Variants in KPNA4 observed in about 807,000 individuals in gnomAD.
KPNA4 encodes the protein karyopherin subunit alpha 4.
In KPNA4, 13 loss-of-function variants were observed where a neutral mutation model predicts 71.3. The observed-to-expected ratio is 0.18, with a 90% CI of 0.12 to 0.29. The LOEUF is 0.29. KPNA4 is among the 10% of genes least tolerant of loss of function. The pLI is 1.00. For missense variants in KPNA4, 334 were observed against 603.2 expected, an observed-to-expected ratio of 0.55 and a Z score of 4.67; for synonymous variants, 189 against 195.2, an observed-to-expected ratio of 0.97 and a Z score of 0.26.
chr3:160,535,744 T>C (rs1577056711), intron 3 of KPNA4, 54 bp from the exon 4 acceptor site: 3 of 1,566,542 alleles, frequency 1.9e-6, no homozygotes, highest in Non-Finnish European at 1.7e-6. Flanking sequence ...TAAAATTCTC[T>C]TATTAATGTG....
At chr3:160,529,378 C>CA (rs11391414) in intron 7 of KPNA4, among the ~76,000 whole-genome samples, 152,238 of 152,258 alleles carry the variant, frequency 1, 76,110 homozygotes, top group Middle Eastern at 1. Context: ...GTTATGAAAC[C>CA]AAAAATTTTC....
At chr3:160,510,688 T>C (rs1721072051) in intron 13 of KPNA4, among the ~76,000 whole-genome samples, 1 of 152,172 alleles carries the variant, frequency 6.6e-6, no homozygotes, top group Non-Finnish European at 1.5e-5. Context: ...GCATAATTCT[T>C]ATAGGGGAAT....
chr3:160,543,007 A>G (rs1721834101), intron 1 of KPNA4, among the ~76,000 whole-genome samples: 1 of 152,206 alleles, frequency 6.6e-6, no homozygotes, highest in Non-Finnish European at 1.5e-5. Flanking sequence ...TTCAACATTC[A>G]AACAACAGGA....
Position 160,499,083 on chromosome 3 carries a change from CCTAAA to C in KPNA4, c.*3016_*3020del. ...CCCTATGAAGTGCTGCTGAGGTAAGCCTAAACTAAATGATACACTCCCTCTCCCCA... is the reference window on the plus strand; with the variant it reads ...CCCTATGAAGTGCTGCTGAGGTAAGCCTAAATGATACACTCCCTCTCCCCA... On this transcript the variant is annotated 3_prime_UTR_variant, in exon 17 of 17. Coordinates refer to ENST00000334256, the MANE Select transcript of KPNA4 (RefSeq NM_002268.5). 6.6e-6 allele frequency: 1 copy of C among 152,180 alleles called. No homozygotes were observed. Among genetic ancestry groups the C allele is most frequent in the African/African-American group, 2.4e-5 (1 of 41,518 alleles). 9.4% of individuals were successfully genotyped at this position (152,180 alleles called of 1,614,324 possible).
At chr3:160,549,066 G>A (rs1304564769) in intron 1 of KPNA4, among the ~76,000 whole-genome samples, 1 of 152,128 alleles carries the variant, frequency 6.6e-6, no homozygotes, top group Non-Finnish European at 1.5e-5. Context: ...TGTGCTTACT[G>A]GCTATTTTGT....
chr3:160,535,448 A>G, intron 5 of KPNA4, 65 bp downstream of exon 5: 1 of 1,230,350 alleles, frequency 8.1e-7, no homozygotes, highest in Non-Finnish European at 1.2e-6. Context: ...CTCAATAGTA[A>G]AAATTCAAAA....
At chr3:160,509,691 C>CA in intron 14 of KPNA4, 109 bp downstream of exon 14, 1 of 835,428 alleles carries the variant, frequency 1.2e-6, no homozygotes, top group Non-Finnish European at 2.0e-6. Flanking sequence ...CTTGGCCTCC[C>CA]AGGGTGTTGC....
At chr3:160,551,208 T>A (rs889864377) in intron 1 of KPNA4, among the ~76,000 whole-genome samples, 2 of 152,242 alleles carry the variant, frequency 1.3e-5, no homozygotes, top group Non-Finnish European at 2.9e-5. Flanking sequence ...ATTGACAGGT[T>A]ATGTGTTTTA....
rs976424152 is a variant in KPNA4 at position 160,563,095 on chromosome 3, C to G, written c.69+2119G>C. The stretch of plus-strand genomic sequence containing the variant: ...TTCTTAGTAGTATTATGTAAAATAG[C>G]TAAAAAAGTGGAAACAATGAAAATG... On this transcript the variant is annotated intron_variant, in intron 1 of 16. Coordinates refer to ENST00000334256, the MANE Select transcript of KPNA4 (RefSeq NM_002268.5). Among the ~76,000 whole-genome samples the G allele has an allele frequency of 5.3e-5, 8 of 151,982 alleles. No homozygotes were observed. The East Asian group carries it at 1.5e-3, about 29-fold the overall frequency.
chr3:160,551,438 T>C (rs1722038541), intron 1 of KPNA4, among the ~76,000 whole-genome samples: 2 of 152,170 alleles, frequency 1.3e-5, no homozygotes, highest in Admixed American at 6.5e-5. Context: ...AACTGAGTTG[T>C]GGAGGTTTAA....
At chr3:160,546,446 C>T (rs113288985) in intron 1 of KPNA4, among the ~76,000 whole-genome samples, 1,858 of 152,008 alleles carry the variant, frequency 0.012, 20 homozygotes, top group Middle Eastern at 0.02. Context: ...TGAACCCAGG[C>T]GGCCGAGGTT....
chr3:160,514,025 A>G, intron 13 of KPNA4, 52 bp downstream of exon 13: 1 of 1,059,064 alleles, frequency 9.4e-7, no homozygotes, highest in Non-Finnish European at 1.3e-6. Context: ...TCAGATTTAA[A>G]TCCCCTTCCC....
Position 160,496,568 on chromosome 3 carries a change from T to G in KPNA4, c.*5536A>C, listed in dbSNP as rs115214907. The G allele has an allele frequency of 7.0e-4, 107 of 152,254 alleles. No homozygotes were observed. The highest frequency in any genetic ancestry group is 2.3e-3 in the African/African-American group (97 of 41,552). The allele number at this position is 152,254 out of a possible 1,614,324, so 9.4% of individuals were successfully genotyped here. A position where few individuals can be genotyped will look rare whatever the true frequency, so the allele number is the denominator to read the frequency against. On this transcript the variant is annotated 3_prime_UTR_variant, in exon 17 of 17. Transcript: ENST00000334256. ...AGAGGTAAGATATAGTCAGGGAAAT[T>G]AGGATTCATGCTTGAAGAGTAATAG...
chr3:160,531,655 A>G, intron 5 of KPNA4, 98 bp from the exon 6 acceptor site: 1 of 574,952 alleles, frequency 1.7e-6, no homozygotes, highest in Non-Finnish European at 2.8e-6. Flanking sequence ...AAATCTGAAT[A>G]TTTGGTACAA....
At position 160,500,116 on chromosome 3, in the gene KPNA4, C is replaced by CT. The variant is rs1162481211; in HGVS notation, c.*1987dup. On this transcript the variant is annotated 3_prime_UTR_variant, in exon 17 of 17. Coordinates refer to ENST00000334256, the MANE Select transcript of KPNA4 (RefSeq NM_002268.5). Reference sequence around the variant, plus strand: ...CTAATGTAAGCCATTGAATTATACTCTAACTTTATAAAAAAAAAAAAATCC... The same window carrying CT: ...CTAATGTAAGCCATTGAATTATACTCTTAACTTTATAAAAAAAAAAAAATCC... 14 of 151,430 alleles carry CT rather than the reference C, an allele frequency of 9.2e-5. No individual in the cohort carries two copies. Among genetic ancestry groups the CT allele is most frequent in the African/African-American group, 3.2e-4 (13 of 41,176 alleles). The allele number at this position is 151,430 out of a possible 1,614,324, so 9.4% of individuals were successfully genotyped here. A position where few individuals can be genotyped will look rare whatever the true frequency, so the allele number is the denominator to read the frequency against.
At chr3:160,560,422 CGAGT>C (rs1175042691) in intron 1 of KPNA4, among the ~76,000 whole-genome samples, 1 of 151,964 alleles carries the variant, frequency 6.6e-6, no homozygotes, top group African/African-American at 2.4e-5. Flanking sequence ...ACTAAATCAG[CGAGT>C]AAGTACCAAA....
rs200226140 is a variant in KPNA4 at position 160,506,173 on chromosome 3, A to AT, written c.1373-1122dup. Among the ~76,000 whole-genome samples, 698 of 148,106 alleles carry AT rather than the reference A, an allele frequency of 4.7e-3. 3 individuals are homozygous for AT. Among genetic ancestry groups the AT allele is most frequent in the African/African-American group, 0.014 (542 of 40,092 alleles). Reference sequence around the variant, plus strand: ...GCTTGGCCACTATATACTTTATTTTATTTTATTTTTTTTGAGACAGAGTCT... The same window carrying AT: ...GCTTGGCCACTATATACTTTATTTTATTTTTATTTTTTTTGAGACAGAGTCT... On this transcript the variant is annotated intron_variant, in intron 15 of 16. Transcript: ENST00000334256.
chr3:160,515,716 G>A, intron 11 of KPNA4, 136 bp from the exon 12 acceptor site: 2 of 899,776 alleles, frequency 2.2e-6, no homozygotes, highest in Non-Finnish European at 3.3e-6. Context: ...TCAGGCTCAA[G>A]TGATCCTCCC....
intron 6 of KPNA4, 47 bp from the exon 7 acceptor site, chr3:160,530,987 G>A (rs1490368506): frequency 7.9e-7 from 1 of 1,261,374 alleles, no homozygotes. Context: ...TTTTTACATT[G>A]GGCCAAATAT....
Sources: allele counts gnomAD v4.1 joint callset (sites outside exome capture counted in the v4.1 genomes callset), GRCh38; gene constraint gnomAD v4.1.1; transcripts MANE v1.5; gene names NCBI Gene and HGNC (gene_info 2026-07-23, HGNC 2026-07-21).